SERPINF2: variants seen among roughly 807,000 people sequenced by gnomAD.
SERPINF2 encodes alpha-2-antiplasmin.
SERPINF2 carries 15 observed loss-of-function variants against 45.0 expected under a neutral mutation model. The observed-to-expected ratio is 0.33, with a 90% CI of 0.22 to 0.51. SERPINF2 has a LOEUF of 0.51. Ranked by LOEUF, SERPINF2 falls within the 20% of genes least tolerant of loss-of-function variation. The pLI is 0.97. For synonymous variants in SERPINF2, 283 were observed against 277.9 expected, an observed-to-expected ratio of 1.02 and a Z score of -0.18; for missense variants, 518 against 637.4, an observed-to-expected ratio of 0.81 and a Z score of 2.02.
chr17:1,748,795 G>A (rs543155456), intron 8 of SERPINF2, 55 bp downstream of exon 8: 5 of 929,124 alleles, frequency 5.4e-6, no homozygotes, highest in South Asian at 3.9e-5. Flanking sequence ...GGGGAAGGGA[G>A]TGGACAGGCT....
intron 1 of SERPINF2, chr17:1,744,520 A>G: frequency 1.0e-6 from 1 of 984,272 alleles, no homozygotes. Context: ...AAAATCCCAA[A>G]AAGACGGTCT....
chr17:1,752,844 A>G lies in SERPINF2; in HGVS notation c.1063+54A>G, dbSNP rs558321710. 2.2e-5 allele frequency: 33 copies of G among 1,497,088 alleles called. No individual in the cohort carries two copies. The Admixed American group carries it at 4.9e-4, about 22-fold the overall frequency. The allele number at this position is 1,497,088 out of a possible 1,614,324, so 92.7% of individuals were successfully genotyped here. The stretch of plus-strand genomic sequence containing the variant: ...GAGGTCAGGCTGGGCAGGGCGGGTA[A>G]GGAGGAAGCGTCTGGCTGGCAGTGG... On this transcript the variant is annotated intron_variant, in intron 9 of 9. Coordinates refer to ENST00000453066, the MANE Select transcript of SERPINF2 (RefSeq NM_000934.4).
intron 8 of SERPINF2, among the ~76,000 whole-genome samples, chr17:1,750,176 T>C (rs926249988): frequency 6.6e-6 from 1 of 151,918 alleles, no homozygotes; most frequent in Admixed American, 6.6e-5. Flanking sequence ...TGAGACGGAG[T>C]TTCTCTCTAT....
At chr17:1,749,282 A>G (rs1906149942) in intron 8 of SERPINF2, among the ~76,000 whole-genome samples, 1 of 152,124 alleles carries the variant, frequency 6.6e-6, no homozygotes, top group Non-Finnish European at 1.5e-5. Context: ...AAAATTAGCC[A>G]GGCGTGGTGG....
intron 5 of SERPINF2, among the ~76,000 whole-genome samples, chr17:1,746,583 T>C (rs1905844876): frequency 6.6e-6 from 1 of 151,808 alleles, no homozygotes; most frequent in South Asian, 2.1e-4. Flanking sequence ...CCAGCCACCA[T>C]GCACAGCTGA....
intron 5 of SERPINF2, 95 bp from the exon 6 acceptor site, chr17:1,746,924 A>T: frequency 6.8e-7 from 1 of 1,473,222 alleles, no homozygotes; most frequent in South Asian, 1.2e-5. Flanking sequence ...GGTCCCGTGG[A>T]CGTCCTCGTC....
At chr17:1,752,013 T>C (rs1337590196) in intron 8 of SERPINF2, among the ~76,000 whole-genome samples, 1 of 138,368 alleles carries the variant, frequency 7.2e-6, no homozygotes, top group East Asian at 2.8e-4. Context: ...CCAGGTATTA[T>C]TGAGCACCGT....
In SERPINF2 at chr17:1,754,770, G is replaced by A. The variant is rs1181168176; in HGVS notation, c.*236G>A. 1 of 581,320 alleles carries A rather than the reference G, an allele frequency of 1.7e-6. No individual in the cohort carries two copies. 36.0% of individuals were successfully genotyped at this position (581,320 alleles called of 1,614,324 possible). On this transcript the variant is annotated 3_prime_UTR_variant, in exon 10 of 10. Transcript: ENST00000453066. Reference sequence around the variant, plus strand: ...TCTTTCTTCCAAACAGGCTCAGAGGGTGTCCTGCACCGGGGCCTGGGCAGG... The same window carrying A: ...TCTTTCTTCCAAACAGGCTCAGAGGATGTCCTGCACCGGGGCCTGGGCAGG...
chr17:1,749,926 T>C lies in SERPINF2; in HGVS notation c.858+1186T>C, dbSNP rs115772594. Among the ~76,000 whole-genome samples the C allele has an allele frequency of 5.8e-3, 886 of 151,994 alleles. 19 individuals carry two copies. Among genetic ancestry groups the C allele is most frequent in the African/African-American group, 0.02 (832 of 41,480 alleles). On this transcript the variant is annotated intron_variant, in intron 8 of 9. Transcript: ENST00000453066. ...TGCTCCTTAGAAAGGAGGATCTGAT[T>C]GGATTGGATTTCTCAGCATCTTGCG...
intron 7 of SERPINF2, among the ~76,000 whole-genome samples, chr17:1,748,016 G>A (rs1283423458): frequency 6.6e-6 from 1 of 151,884 alleles, no homozygotes; most frequent in East Asian, 1.9e-4. Flanking sequence ...AGATCCAGGA[G>A]GGGCTGGGCG....
At chr17:1,749,949 G>T (rs1906213395) in intron 8 of SERPINF2, among the ~76,000 whole-genome samples, 1 of 151,776 alleles carries the variant, frequency 6.6e-6, no homozygotes, top group Non-Finnish European at 1.5e-5. Flanking sequence ...TCAGCATCTT[G>T]CGTGGAACAT....
At chr17:1,752,521 T>C (rs1906489182) in intron 8 of SERPINF2, 65 bp from the exon 9 acceptor site, 1 of 1,479,656 alleles carries the variant, frequency 6.8e-7, no homozygotes, top group African/African-American at 1.4e-5. Context: ...GAGCACCTGC[T>C]GGCCCCACCC....
intron 8 of SERPINF2, among the ~76,000 whole-genome samples, chr17:1,751,450 G>GAA (rs757827355): frequency 7.0e-5 from 6 of 86,092 alleles, no homozygotes; most frequent in Non-Finnish European, 9.7e-5. Flanking sequence ...ACTCTGTCTT[G>GAA]AAAAAAAAAA....
Position 1,745,923 on chromosome 17 carries a change from A to G in SERPINF2, c.367+14A>G, listed in dbSNP as rs1358165841. On this transcript the variant is annotated intron_variant, in intron 5 of 9. Coordinates refer to ENST00000453066, the MANE Select transcript of SERPINF2 (RefSeq NM_000934.4). The surrounding 1 kb of genome is among the most constrained non-coding windows in gnomAD (Gnocchi z 6.2). ...ACCTGGCACTAGGTACCCTGGCACCACTTGTCCAGACCAAGAGAGCTGGGA... is the reference window on the plus strand; with the variant it reads ...ACCTGGCACTAGGTACCCTGGCACCGCTTGTCCAGACCAAGAGAGCTGGGA... 6.2e-7 allele frequency: 1 copy of G among 1,610,736 alleles called. No individual in the cohort carries two copies. Among genetic ancestry groups the G allele is most frequent in the Non-Finnish European group, 8.5e-7 (1 of 1,178,924 alleles).
intron 8 of SERPINF2, 56 bp from the exon 9 acceptor site, chr17:1,752,530 C>G: frequency 1.3e-6 from 2 of 1,547,046 alleles, no homozygotes; most frequent in Non-Finnish European, 1.8e-6. Context: ...CTGGCCCCAC[C>G]CCCACTTAGC....
rs930647146 is a variant in SERPINF2, at chr17:1,744,444, G to A, written c.-4-548G>A. 17 of 601,424 alleles carry A rather than the reference G, an allele frequency of 2.8e-5. No individual in the cohort carries two copies. The African/African-American group carries it at 3.2e-4, about 11-fold the overall frequency. The allele number at this position is 601,424 out of a possible 1,614,324, so 37.3% of individuals were successfully genotyped here. On this transcript the variant is annotated intron_variant, in intron 1 of 9. Transcript: ENST00000453066. ...GGAGGTGGAGGTTGCGGTGAGCCGA[G>A]ATCCTGCCACTGCACTCCAGCCTGG...
chr17:1,750,591 A>G (rs1906299577), intron 8 of SERPINF2, among the ~76,000 whole-genome samples: 1 of 152,022 alleles, frequency 6.6e-6, no homozygotes, highest in African/African-American at 2.4e-5. Context: ...CCCAGCTCTG[A>G]TTGGATAAAA....
chr17:1,752,496 C>T lies in SERPINF2; in HGVS notation c.859-90C>T, dbSNP rs535456097. On this transcript the variant is annotated intron_variant, in intron 8 of 9. Transcript: ENST00000453066. ...CGCCTGGCAGGATGGCCAGGAGCCC[C>T]ATTGTCTGCCTTAGGAGCACCTGCT... The T allele has an allele frequency of 2.6e-6, 3 of 1,153,580 alleles. 1 individual carries two copies. The East Asian group carries it at 7.0e-5, about 27-fold the overall frequency. 71.5% of individuals were successfully genotyped at this position (1,153,580 alleles called of 1,614,324 possible).
rs759910550 is a variant in SERPINF2 at position 1,754,520 on chromosome 17, G to C, written c.1462G>C (p.Gly488Arg). The change falls in exon 10 of 10, where the codon GGC becomes CGC. Residue 488 changes from glycine (G) to arginine (R), a missense_variant. Coordinates refer to ENST00000453066, the MANE Select transcript of SERPINF2 (RefSeq NM_000934.4). ...CATGGAGGAGGATTACCCCCAGTTT[G>C]GCAGCCCCAAGTGAGGGGCCGTGGC... ...PPMEEDYPQFGSPK is the reference protein window; with the variant it reads ...PPMEEDYPQFRSPK 11 of 1,609,800 alleles carry C rather than the reference G, an allele frequency of 6.8e-6. No individual in the cohort carries two copies. Among genetic ancestry groups the C allele is most frequent in the Non-Finnish European group, 5.9e-6 (7 of 1,179,374 alleles).
Sources: gnomAD v4.1 joint callset for allele counts (sites outside exome capture counted in the v4.1 genomes callset) on GRCh38, gnomAD v4.1.1 for gene constraint, Gnocchi (gnomAD v3.1) non-coding constraint, MANE v1.5 for transcripts, NCBI Gene and HGNC (gene_info 2026-07-23, HGNC 2026-07-21) for gene names.